INTS2: variants seen among roughly 807,000 people sequenced by gnomAD.
INTS2 encodes KIAA1287.
Under a neutral mutation model 139.6 loss-of-function variants are expected in INTS2, and 57 were observed. That is an observed-to-expected ratio of 0.41 (90% CI 0.33 to 0.51). The LOEUF (loss-of-function observed/expected upper bound fraction) is 0.51, where lower values mean the gene tolerates loss of function less well. Among genes scored for constraint, INTS2 ranks in the 20% least tolerant of loss-of-function variants. The pLI is 0.28. For missense variants in INTS2, 1,196 were observed against 1,436.7 expected (o/e 0.83, Z 2.71); for synonymous variants, 473 against 493.4 (o/e 0.96, Z 0.55).
chr17:61,926,219 A>G (rs1449522820), intron 2 of INTS2, 133 bp downstream of exon 2: 4 of 675,770 alleles, frequency 5.9e-6, no homozygotes, highest in Non-Finnish European at 9.9e-6. Flanking sequence ...GTAACTATAT[A>G]CAGAAAAGAC....
At chr17:61,881,231 A>G (rs2079175615) in intron 16 of INTS2, 60 bp from the exon 17 acceptor site, 3 of 1,291,976 alleles carry the variant, frequency 2.3e-6, no homozygotes, top group African/African-American at 2.9e-5. Flanking sequence ...AAGCTTCCCC[A>G]CCCCTCTCAT....
chr17:61,906,144 A>C (rs993647661), intron 8 of INTS2, among the ~76,000 whole-genome samples: 7 of 152,158 alleles, frequency 4.6e-5, no homozygotes, highest in Non-Finnish European at 8.8e-5. Flanking sequence ...AATCCAAAAA[A>C]CCTAAAATCT....
In INTS2 at chr17:61,926,367, T is replaced by C. The variant is rs1390470851; in HGVS notation, c.278A>G (p.Lys93Arg). The C allele has an allele frequency of 6.2e-7, 1 of 1,600,566 alleles. No individual in the cohort carries two copies. Among genetic ancestry groups the C allele is most frequent in the East Asian group, 2.2e-5 (1 of 44,506 alleles). The change falls in exon 2 of 25, where the codon AAA becomes AGA. Residue 93 changes from lysine (K) to arginine (R), a missense_variant. Physicochemically the swap from Lys to Arg is conservative, Grantham distance 26. Around this residue, in one of 3 missense-constraint regions of INTS2, gnomAD observed 1,129 missense variants for 1,341.9 expected, o/e 0.84. Transcript: ENST00000251334. ...DFHALEQDAS[K>R]EQQLRHKLGG... ...ATAACATTACCTAAGCTGCTGTTCT[T>C]TGCTGGCATCTTGTTCTAAAGCATG... is the stretch of plus-strand genomic sequence containing the variant.
chr17:61,890,025 G>A, intron 14 of INTS2, 131 bp from the exon 15 acceptor site: 1 of 617,748 alleles, frequency 1.6e-6, no homozygotes, highest in South Asian at 1.8e-5. Flanking sequence ...CAGGAGAAAT[G>A]TTGCTGTGTG....
Position 61,893,864 on chromosome 17 carries a change from G to A in INTS2, c.1599C>T (p.Thr533=). 6.3e-7 allele frequency: 1 copy of A among 1,580,586 alleles called. No individual in the cohort carries two copies. Among genetic ancestry groups the A allele is most frequent in the Non-Finnish European group, 8.6e-7 (1 of 1,162,440 alleles). The change falls in exon 13 of 25, where the codon ACC becomes ACT. Residue 533 remains threonine, a synonymous_variant. Coordinates refer to ENST00000251334, the MANE Select transcript of INTS2 (RefSeq NM_001351695.2). This position sits in a 1 kb window ranked among gnomAD's most constrained non-coding sequence, Gnocchi z 5.4. Reference sequence around the variant, plus strand: ...CAGTAATGTTGGCACTCAGGTTGCTGGTGACAGGGACCCGAACTGCATGAG... The same window carrying A: ...CAGTAATGTTGGCACTCAGGTTGCTAGTGACAGGGACCCGAACTGCATGAG... ...VTAHAVRVPV[T]SNLSANITGF...
rs145239969 is a variant in INTS2 at position 61,886,811 on chromosome 17, A to T, written c.1985-1806T>A. ...TTCTCTTACAAACTACAAACAGTAA[A>T]GCTCAACCATTTTTCTTTTATTAAG... On this transcript the variant is annotated intron_variant, in intron 15 of 24. Transcript: ENST00000251334. 2.2e-3 allele frequency among the ~76,000 whole-genome samples: 342 copies of T among 152,368 alleles called. 1 individual carries two copies. The highest frequency in any genetic ancestry group is 7.7e-3 in the African/African-American group (321 of 41,588).
At chr17:61,887,603 G>A (rs1299934299) in intron 15 of INTS2, among the ~76,000 whole-genome samples, 1 of 151,614 alleles carries the variant, frequency 6.6e-6, no homozygotes, top group Non-Finnish European at 1.5e-5. Flanking sequence ...TAATCTATAA[G>A]TTTAACATAA....
At chr17:61,911,387 T>C in intron 7 of INTS2, 133 bp downstream of exon 7, 2 of 648,684 alleles carry the variant, frequency 3.1e-6, no homozygotes, top group Non-Finnish European at 4.8e-6. Context: ...TTTTTTAAAA[T>C]ATAAGGAGGT....
At chr17:61,923,323 A>G (rs1382325615) in intron 3 of INTS2, among the ~76,000 whole-genome samples, 3 of 150,558 alleles carry the variant, frequency 2.0e-5, no homozygotes, top group African/African-American at 7.3e-5. Flanking sequence ...TAAAAATACA[A>G]AAGATTAGCC....
chr17:61,879,071 CTTTTTTTTTTTTTTTTT>C (rs943506280), intron 17 of INTS2, among the ~76,000 whole-genome samples: 7 of 34,416 alleles, frequency 2.0e-4, no homozygotes, highest in Non-Finnish European at 3.4e-4. Flanking sequence ...CCAGGCTGGT[CTTTTTTTTTTTTTTTTT>C]TTTTTTTTTT....
At position 61,870,934 on chromosome 17, in the gene INTS2, G is replaced by A. The variant is rs564060405; in HGVS notation, c.2779-946C>T. 6.6e-6 allele frequency among the ~76,000 whole-genome samples: 1 copy of A among 151,968 alleles called. No individual in the cohort carries two copies. The highest frequency in any genetic ancestry group is 1.5e-5 in the Non-Finnish European group (1 of 67,992). ...TCTCTGGGTCACATTTTCCTACTCT[G>A]TAAAAATGGAGATAATACTCTATAC... On this transcript the variant is annotated intron_variant, in intron 20 of 24. Transcript: ENST00000251334. This position sits in a 1 kb window ranked among gnomAD's most constrained non-coding sequence, Gnocchi z 4.4.
At chr17:61,889,267 A>G (rs2079264585) in intron 15 of INTS2, among the ~76,000 whole-genome samples, 3 of 150,338 alleles carry the variant, frequency 2.0e-5, no homozygotes, top group Non-Finnish European at 4.4e-5. Flanking sequence ...TTGTATTTTT[A>G]GTAGAGACGG....
rs1394303495 is a variant in INTS2, at chr17:61,868,133, C to T, written c.3245-124G>A. ...TGAAGTTCTCTAAACACAGCCAACC[C>T]GTCTTCAGAAAGCTCACAATCTAGT... is the stretch of plus-strand genomic sequence containing the variant. On this transcript the variant is annotated intron_variant, in intron 23 of 24. Transcript: ENST00000251334. This position sits in a 1 kb window ranked among gnomAD's most constrained non-coding sequence, Gnocchi z 4.7. 3 of 655,734 alleles carry T rather than the reference C, an allele frequency of 4.6e-6. No individual in the cohort carries two copies. The highest frequency in any genetic ancestry group is 3.3e-5 in the South Asian group (1 of 29,990). 40.6% of individuals were successfully genotyped at this position (655,734 alleles called of 1,614,324 possible). A position where few individuals can be genotyped will look rare whatever the true frequency, so the allele number is the denominator to read the frequency against.
chr17:61,926,313 G>A, intron 2 of INTS2, 39 bp downstream of exon 2: 3 of 1,472,712 alleles, frequency 2.0e-6, no homozygotes, highest in South Asian at 1.3e-5. Context: ...CCTGTTCTTT[G>A]TCAAATCCAA....
chr17:61,885,120 T>G, intron 15 of INTS2, 115 bp from the exon 16 acceptor site: 4 of 677,504 alleles, frequency 5.9e-6, no homozygotes, highest in Non-Finnish European at 1.0e-5. Flanking sequence ...GCAATTAACC[T>G]GCGAATATAG....
At chr17:61,925,172 ATTG>A in intron 2 of INTS2, 73 bp from the exon 3 acceptor site, 1 of 1,358,174 alleles carries the variant, frequency 7.4e-7, no homozygotes, top group Non-Finnish European at 1.0e-6. Flanking sequence ...ATTATCTTTT[ATTG>A]AAATAAGCTA....
At chr17:61,883,161 C>T (rs2079192701) in intron 16 of INTS2, among the ~76,000 whole-genome samples, 2 of 152,088 alleles carry the variant, frequency 1.3e-5, no homozygotes, top group Admixed American at 1.3e-4. Context: ...ATACTCTTTT[C>T]AATAAAGTAT....
At position 61,927,667 on chromosome 17, in the gene INTS2, C is replaced by T; in HGVS notation, c.-32G>A. ...GACGCTTCATACCTTAAGATCTACC[C>T]TCCAGCCTCACGGAACCGCACACGG... is the stretch of plus-strand genomic sequence containing the variant. On this transcript the variant is annotated 5_prime_UTR_variant, in exon 1 of 25. Transcript: ENST00000251334. 7.1e-7 allele frequency: 1 copy of T among 1,414,140 alleles called. No individual in the cohort carries two copies. The highest frequency in any genetic ancestry group is 9.2e-7 in the Non-Finnish European group (1 of 1,086,972). 87.6% of individuals were successfully genotyped at this position (1,414,140 alleles called of 1,614,324 possible).
chr17:61,898,032 A>C (rs181921827), intron 9 of INTS2, among the ~76,000 whole-genome samples: 4 of 152,146 alleles, frequency 2.6e-5, no homozygotes, highest in Admixed American at 1.3e-4. Context: ...TAGAAAACAA[A>C]GGCCCCTTGG....
Sources: gnomAD v4.1 joint callset for allele counts (sites outside exome capture counted in the v4.1 genomes callset) on GRCh38, gnomAD v4.1.1 for gene constraint, gnomAD v4.1.1 regional missense constraint, Gnocchi (gnomAD v3.1) non-coding constraint, MANE v1.5 for transcripts, NCBI Gene and HGNC (gene_info 2026-07-23, HGNC 2026-07-21) for gene names.